The following KHDRBS2 variants were observed in gnomAD, a reference collection of about 807,000 sequenced individuals.
The protein encoded by KHDRBS2 is KH domain-containing, RNA-binding, signal transduction-associated protein 2.
Under a neutral mutation model 44.3 loss-of-function variants are expected in KHDRBS2, and 26 were observed. The observed-to-expected ratio is 0.59, with a 90% CI of 0.43 to 0.81. The LOEUF is 0.81. Among genes scored for constraint, KHDRBS2 ranks in the 40% least tolerant of loss-of-function variants. The pLI, the probability that KHDRBS2 is intolerant of heterozygous loss-of-function variation, is 0.00. For missense variants in KHDRBS2, 476 were observed against 433.1 expected, an observed-to-expected ratio of 1.10 and a Z score of -0.88; for synonymous variants, 194 against 151.1, an observed-to-expected ratio of 1.28 and a Z score of -2.08.
chr6:61,766,982 G>T (rs1780107380), intron 6 of KHDRBS2, among the ~76,000 whole-genome samples: 1 of 152,030 alleles, frequency 6.6e-6, no homozygotes, highest in Non-Finnish European at 1.5e-5. Context: ...TGGGTCTATG[G>T]TGCAGATTAA....
At chr6:61,955,985 C>T (rs1361990774) in intron 4 of KHDRBS2, among the ~76,000 whole-genome samples, 6 of 151,966 alleles carry the variant, frequency 3.9e-5, no homozygotes, top group Admixed American at 6.6e-5. Context: ...AGATCTCATA[C>T]GTATTGAGAT....
In KHDRBS2 at chr6:61,847,551, T is replaced by A. The variant is rs1429799501; in HGVS notation, c.810+47084A>T. Reference sequence around the variant, plus strand: ...GTATGTGTGACAAACAGTCCTCAAGTACTCTTACTTGAGGACTGGCTATTG... The same window carrying A: ...GTATGTGTGACAAACAGTCCTCAAGAACTCTTACTTGAGGACTGGCTATTG... On this transcript the variant is annotated intron_variant, in intron 6 of 8. Transcript: ENST00000281156. 2.0e-5 allele frequency among the ~76,000 whole-genome samples: 3 copies of A among 152,214 alleles called. No homozygotes were observed. The East Asian group carries it at 5.8e-4, about 29-fold the overall frequency.
intron 2 of KHDRBS2, among the ~76,000 whole-genome samples, chr6:62,173,837 A>G (rs531965778): frequency 4.3e-4 from 65 of 152,040 alleles, no homozygotes; most frequent in Non-Finnish European, 8.1e-4. Flanking sequence ...ATAGACACAC[A>G]AAATTATTTC....
chr6:61,632,014 C>G, the KHDRBS2 span, among the ~76,000 whole-genome samples: 3,725 of 152,218 alleles, frequency 0.024, 71 homozygotes, highest in Middle Eastern at 0.088. Flanking sequence ...AAACAGAGAA[C>G]AAGGTAAAAG....
At chr6:61,725,802 A>G (rs1405198218) in intron 7 of KHDRBS2, among the ~76,000 whole-genome samples, 1 of 152,156 alleles carries the variant, frequency 6.6e-6, no homozygotes, top group Non-Finnish European at 1.5e-5. Context: ...GCAGTAATAA[A>G]TAGCCCACCA....
the KHDRBS2 span, among the ~76,000 whole-genome samples, chr6:61,663,025 A>G: frequency 6.6e-6 from 1 of 152,230 alleles, no homozygotes; most frequent in South Asian, 2.1e-4. Context: ...GATAGACTGG[A>G]TGAAGAAAAT....
chr6:62,124,870 T>C (rs1241519586), intron 2 of KHDRBS2, among the ~76,000 whole-genome samples: 1 of 152,162 alleles, frequency 6.6e-6, no homozygotes, highest in Non-Finnish European at 1.5e-5. Flanking sequence ...CATATAACTG[T>C]TCCTTTTTCC....
chr6:61,616,630 T>A, the KHDRBS2 span, among the ~76,000 whole-genome samples: 1 of 152,090 alleles, frequency 6.6e-6, no homozygotes, highest in Non-Finnish European at 1.5e-5. Context: ...CAAATATGAA[T>A]GATAAACTTA....
chr6:62,126,594 C>T (rs1736419896), intron 2 of KHDRBS2, among the ~76,000 whole-genome samples: 1 of 152,166 alleles, frequency 6.6e-6, no homozygotes, highest in African/African-American at 2.4e-5. Flanking sequence ...CACAAAAGTA[C>T]TTGGGCCACC....
At chr6:62,084,011 A>G (rs1299972311) in intron 2 of KHDRBS2, among the ~76,000 whole-genome samples, 2 of 152,200 alleles carry the variant, frequency 1.3e-5, no homozygotes, top group Admixed American at 6.5e-5. Flanking sequence ...TCTAATTTTC[A>G]TACGTTAGAG....
intron 6 of KHDRBS2, among the ~76,000 whole-genome samples, chr6:61,858,329 A>G (rs1796437785): frequency 6.6e-6 from 1 of 151,796 alleles, no homozygotes; most frequent in South Asian, 2.1e-4. Context: ...GAAGAGATAT[A>G]ATACTAGATA....
rs564254356 is a variant in KHDRBS2, at chr6:62,198,702, C to T, written c.92-21390G>A. ...TTCCTTCTGAAACTATTCAAATCAA[C>T]AGAAAAAGAGGGAATCCTCCCTAAC... is the stretch of plus-strand genomic sequence containing the variant. On this transcript the variant is annotated intron_variant, in intron 1 of 8. Transcript: ENST00000281156. Among the ~76,000 whole-genome samples the T allele has an allele frequency of 2.0e-3, 311 of 152,158 alleles. 7 individuals carry two copies. In the South Asian group the frequency reaches 0.051, roughly 25 times the overall value.
Position 61,773,128 on chromosome 6 carries a change from T to C in KHDRBS2, c.811-40364A>G, listed in dbSNP as rs556310300. Among the ~76,000 whole-genome samples the C allele has an allele frequency of 9.6e-4, 146 of 152,132 alleles. 1 individual carries two copies. Among genetic ancestry groups the C allele is most frequent in the African/African-American group, 3.3e-3 (136 of 41,544 alleles). ...GTGTGCATGTGTCTTTATAGCAGCA[T>C]GATTTATAGTCCTTTGGGTATATAC... On this transcript the variant is annotated intron_variant, in intron 6 of 8. Coordinates refer to ENST00000281156, the MANE Select transcript of KHDRBS2 (RefSeq NM_152688.4).
intron 1 of KHDRBS2, among the ~76,000 whole-genome samples, chr6:62,268,946 A>G (rs1212505839): frequency 6.6e-6 from 1 of 152,098 alleles, no homozygotes; most frequent in African/African-American, 2.4e-5. Context: ...CATATATTTA[A>G]ACACAAACCT....
chr6:62,263,260 ATATG>A (rs1838659428), intron 1 of KHDRBS2, among the ~76,000 whole-genome samples: 1 of 151,664 alleles, frequency 6.6e-6, no homozygotes, highest in Non-Finnish European at 1.5e-5. Flanking sequence ...TTTCTTACAA[ATATG>A]TAATTCACCA....
At chr6:61,847,620 C>A (rs1020929133) in intron 6 of KHDRBS2, among the ~76,000 whole-genome samples, 7 of 151,060 alleles carry the variant, frequency 4.6e-5, no homozygotes, top group African/African-American at 1.5e-4. Context: ...ATCTGCTTAG[C>A]TATATAAAAC....
At chr6:61,848,563 GTATATATATATACATATA>G (rs1794947882) in intron 6 of KHDRBS2, among the ~76,000 whole-genome samples, 2 of 22,186 alleles carry the variant, frequency 9.0e-5, no homozygotes, top group South Asian at 1.7e-3. Flanking sequence ...ATATATATAT[GTATATATATATACATATA>G]TATATATATA....
chr6:62,188,823 G>A (rs529049994), intron 1 of KHDRBS2, among the ~76,000 whole-genome samples: 2 of 152,100 alleles, frequency 1.3e-5, no homozygotes, highest in African/African-American at 2.4e-5. Context: ...CTTAGAAAAC[G>A]TGTCAGTAGG....
intron 1 of KHDRBS2, among the ~76,000 whole-genome samples, chr6:62,220,512 A>G (rs1366845560): frequency 6.6e-6 from 1 of 151,924 alleles, no homozygotes; most frequent in Admixed American, 6.6e-5. Context: ...GTTAAAATAT[A>G]CAGTAAAATT....
Sources: allele counts gnomAD v4.1 joint callset (sites outside exome capture counted in the v4.1 genomes callset), GRCh38; gene constraint gnomAD v4.1.1; transcripts MANE v1.5; gene names NCBI Gene and HGNC (gene_info 2026-07-23, HGNC 2026-07-21).